The following HIBCH variants were observed in gnomAD, a reference collection of about 807,000 sequenced individuals.
HIBCH encodes the protein 3-hydroxyisobutyryl-CoA hydrolase, mitochondrial.
In HIBCH, 50 loss-of-function variants were observed where a neutral mutation model predicts 58.2. That is an observed-to-expected ratio of 0.86 (90% CI 0.68 to 1.09). The LOEUF is 1.09. Ranked by LOEUF, HIBCH falls within the 50% of genes least tolerant of loss-of-function variation. HIBCH has a pLI of 0.00. For missense variants in HIBCH, 450 were observed against 449.7 expected (o/e 1.00, Z -0.01); for synonymous variants, 151 against 146.9 (o/e 1.03, Z -0.20).
rs1688411544 is a variant in HIBCH, at chr2:190,306,533, C to T, written c.78+4221G>A. ...GACAGTTGTACTGTCATGCAATATA[C>T]TGCATATGCAGGCACTCATATAGGT... On this transcript the variant is annotated intron_variant, in intron 2 of 13. Transcript: ENST00000359678. The surrounding 1 kb of genome is among the most constrained non-coding windows in gnomAD (Gnocchi z 4.6). Among the ~76,000 whole-genome samples, 1 of 152,164 alleles carries T rather than the reference C, an allele frequency of 6.6e-6. No homozygotes were observed.
intron 1 of HIBCH, 39 bp from the exon 2 acceptor site, chr2:190,310,835 G>T: frequency 7.0e-7 from 1 of 1,418,580 alleles, no homozygotes; most frequent in Non-Finnish European, 1.0e-6. Flanking sequence ...CAGTAATGTG[G>T]GTAGTCATGT....
chr2:190,317,470 T>C (rs952596127), intron 1 of HIBCH, among the ~76,000 whole-genome samples: 6 of 152,230 alleles, frequency 3.9e-5, no homozygotes, highest in Non-Finnish European at 7.3e-5. Context: ...CAGTAGGTAA[T>C]TGTTCATCCA....
chr2:190,314,358 CGTATAT>C (rs1688652472), intron 1 of HIBCH, among the ~76,000 whole-genome samples: 2 of 14,848 alleles, frequency 1.3e-4, no homozygotes, highest in African/African-American at 3.0e-4. Context: ...TGTATATATA[CGTATAT>C]ATATACGTAT....
intron 8 of HIBCH, chr2:190,251,502 T>C (rs1301052961): frequency 4.5e-6 from 2 of 440,012 alleles, no homozygotes; most frequent in Non-Finnish European, 9.4e-6. Context: ...GAATTGGGTC[T>C]TCTGCCACAT....
chr2:190,266,834 G>A (rs775577785), intron 6 of HIBCH, among the ~76,000 whole-genome samples: 1 of 152,134 alleles, frequency 6.6e-6, no homozygotes, highest in African/African-American at 2.4e-5. Flanking sequence ...TCAGCTCACT[G>A]CAACCTCTGC....
In HIBCH at chr2:190,306,048, C is replaced by T. The variant is rs1020047128; in HGVS notation, c.78+4706G>A. 4.6e-5 allele frequency among the ~76,000 whole-genome samples: 7 copies of T among 152,108 alleles called. No homozygotes were observed. Among genetic ancestry groups the T allele is most frequent in the Non-Finnish European group, 1.5e-5 (1 of 68,008 alleles). ...CTCCCACTGTTAATTCAGCAACTTG[C>T]CATGGTCATCTTCCCATGTCACTAC... On this transcript the variant is annotated intron_variant, in intron 2 of 13. Coordinates refer to ENST00000359678, the MANE Select transcript of HIBCH (RefSeq NM_014362.4). The surrounding 1 kb of genome is among the most constrained non-coding windows in gnomAD (Gnocchi z 4.6).
chr2:190,293,254 C>T (rs956726762), intron 4 of HIBCH, among the ~76,000 whole-genome samples: 1 of 150,738 alleles, frequency 6.6e-6, no homozygotes, highest in Non-Finnish European at 1.5e-5. Flanking sequence ...GAGTTCAAGA[C>T]CAGCCTGGCC....
chr2:190,249,067 C>G (rs1025517554), intron 9 of HIBCH, among the ~76,000 whole-genome samples: 2 of 152,110 alleles, frequency 1.3e-5, no homozygotes, highest in African/African-American at 4.8e-5. Flanking sequence ...ATACTAACAT[C>G]TCATGTCTGC....
chr2:190,274,874 C>T (rs1186785028), intron 6 of HIBCH, among the ~76,000 whole-genome samples: 1 of 152,174 alleles, frequency 6.6e-6, no homozygotes, highest in Non-Finnish European at 1.5e-5. Context: ...TTCTCTTCCC[C>T]AGAAAGGGAG....
intron 2 of HIBCH, among the ~76,000 whole-genome samples, chr2:190,299,730 T>TA (rs1688211688): frequency 6.6e-6 from 1 of 152,198 alleles, no homozygotes; most frequent in African/African-American, 2.4e-5. Flanking sequence ...GTTATATAGT[T>TA]AAATTCATGT....
At chr2:190,219,426 G>A (rs1433551540) in intron 11 of HIBCH, among the ~76,000 whole-genome samples, 6 of 152,126 alleles carry the variant, frequency 3.9e-5, no homozygotes, top group South Asian at 4.1e-4. Context: ...AGCTGATGCC[G>A]CTTGTTGGCC....
chr2:190,244,814 A>T lies in HIBCH; in HGVS notation c.891+73T>A, dbSNP rs1686557302. The stretch of plus-strand genomic sequence containing the variant: ...ATGTCACCACCAATGGAGCACTAAT[A>T]CCCCCTTAGAGAGGCTTCCCTGTCA... On this transcript the variant is annotated intron_variant, in intron 11 of 13. Coordinates refer to ENST00000359678, the MANE Select transcript of HIBCH (RefSeq NM_014362.4). 22 of 932,076 alleles carry T rather than the reference A, an allele frequency of 2.4e-5. No individual in the cohort carries two copies. In the South Asian group the frequency reaches 2.8e-4, roughly 12 times the overall value. 57.7% of individuals were successfully genotyped at this position (932,076 alleles called of 1,614,324 possible).
At chr2:190,255,660 A>G (rs1242586924) in intron 7 of HIBCH, among the ~76,000 whole-genome samples, 1 of 152,244 alleles carries the variant, frequency 6.6e-6, no homozygotes, top group East Asian at 1.9e-4. Context: ...TCATGCCTTG[A>G]GTGAATTCCC....
At chr2:190,287,058 G>GTGTGTGTGTGTGTGTGTGTGTA (rs10662510) in intron 6 of HIBCH, among the ~76,000 whole-genome samples, 149 of 147,780 alleles carry the variant, frequency 1.0e-3, no homozygotes, top group African/African-American at 2.7e-3. Context: ...GTGTGTGTGT[G>GTGTGTGTGTGTGTGTGTGTGTA]TATACATATA....
At chr2:190,246,406 A>G (rs114467318) in intron 9 of HIBCH, among the ~76,000 whole-genome samples, 194 bp from the exon 10 acceptor site, 135 of 152,356 alleles carry the variant, frequency 8.9e-4, no homozygotes, top group African/African-American at 3.2e-3. Context: ...CTAGCTCTTA[A>G]AAGTATCAAC....
chr2:190,288,566 T>A (rs1275653365), intron 5 of HIBCH, among the ~76,000 whole-genome samples: 1 of 151,312 alleles, frequency 6.6e-6, no homozygotes, highest in Non-Finnish European at 1.5e-5. Flanking sequence ...ATAATTAATG[T>A]GGGATATAAT....
downstream of HIBCH, among the ~76,000 whole-genome samples, chr2:190,199,305 C>T (rs570640140): frequency 4.6e-5 from 7 of 152,228 alleles, no homozygotes; most frequent in Non-Finnish European, 8.8e-5. Flanking sequence ...GTAGTATGAA[C>T]GCAGCCATGG....
intron 1 of HIBCH, among the ~76,000 whole-genome samples, chr2:190,313,541 A>G (rs1377542100): frequency 6.6e-6 from 1 of 151,624 alleles, no homozygotes; most frequent in East Asian, 1.9e-4. Flanking sequence ...TTTCTTCACA[A>G]CACCACTTAT....
At chr2:190,289,522 G>A (rs1484173931) in intron 5 of HIBCH, among the ~76,000 whole-genome samples, 1 of 152,108 alleles carries the variant, frequency 6.6e-6, no homozygotes, top group Non-Finnish European at 1.5e-5. Flanking sequence ...GGTTGCTTCT[G>A]GGGAAAGTAA....
Sources: gnomAD v4.1 joint callset for allele counts (sites outside exome capture counted in the v4.1 genomes callset) on GRCh38, gnomAD v4.1.1 for gene constraint, Gnocchi (gnomAD v3.1) non-coding constraint, MANE v1.5 for transcripts, NCBI Gene and HGNC (gene_info 2026-07-23, HGNC 2026-07-21) for gene names.